Variants in GNAQ observed in about 807,000 individuals in gnomAD.
The protein encoded by GNAQ is G protein subunit alpha q.
A neutral mutation model predicts 43.9 loss-of-function variants in GNAQ; 8 were observed. The observed-to-expected ratio is 0.18, with a 90% CI of 0.11 to 0.33. The LOEUF (loss-of-function observed/expected upper bound fraction) is 0.33. GNAQ is among the 10% of genes least tolerant of loss of function. GNAQ has a pLI of 1.00. For missense variants in GNAQ, 158 were observed against 450.8 expected, an observed-to-expected ratio of 0.35 and a Z score of 5.88; for synonymous variants, 155 against 170.7, an observed-to-expected ratio of 0.91 and a Z score of 0.71.
chr9:77,926,641 C>G (rs1351797978), intron 1 of GNAQ, among the ~76,000 whole-genome samples: 1 of 152,118 alleles, frequency 6.6e-6, no homozygotes, highest in Non-Finnish European at 1.5e-5. Flanking sequence ...TATCTCCAAT[C>G]AAGTCATTTA....
At position 77,876,456 on chromosome 9, in the gene GNAQ, A is replaced by G. The variant is rs139417533; in HGVS notation, c.321+45705T>C. Reference sequence around the variant, plus strand: ...ACAGTAGTTGTAGAGAGCAAATGAAATAGAGTAATGTACATAGAGCACTTG... The same window carrying G: ...ACAGTAGTTGTAGAGAGCAAATGAAGTAGAGTAATGTACATAGAGCACTTG... On this transcript the variant is annotated intron_variant, in intron 2 of 6. Transcript: ENST00000286548. Among the ~76,000 whole-genome samples, 292 of 152,374 alleles carry G rather than the reference A, an allele frequency of 1.9e-3. 2 individuals carry two copies. The highest frequency in any genetic ancestry group is 6.2e-3 in the African/African-American group (256 of 41,586).
chr9:77,913,965 A>C (rs1587405843), intron 2 of GNAQ, among the ~76,000 whole-genome samples: 1 of 152,336 alleles, frequency 6.6e-6, no homozygotes, highest in East Asian at 1.9e-4. Context: ...CCTTTGTTTC[A>C]GAACCCTCCT....
At chr9:77,863,035 G>A (rs764931264) in intron 2 of GNAQ, among the ~76,000 whole-genome samples, 8 of 152,090 alleles carry the variant, frequency 5.3e-5, no homozygotes, top group Non-Finnish European at 8.8e-5. Context: ...TTAGCCGGGT[G>A]TGGTGGCACA....
chr9:78,026,600 C>A (rs1823983377), intron 1 of GNAQ, among the ~76,000 whole-genome samples: 1 of 152,140 alleles, frequency 6.6e-6, no homozygotes, highest in South Asian at 2.1e-4. Context: ...AAGGCTTTCA[C>A]TCAATGGTTC....
chr9:77,875,818 T>A (rs946670791), intron 2 of GNAQ, among the ~76,000 whole-genome samples: 1 of 152,126 alleles, frequency 6.6e-6, no homozygotes, highest in Non-Finnish European at 1.5e-5. Context: ...GCCCACACCA[T>A]GATCAGACTA....
intron 1 of GNAQ, among the ~76,000 whole-genome samples, chr9:77,995,206 T>C (rs958002525): frequency 6.6e-6 from 1 of 152,178 alleles, no homozygotes; most frequent in Non-Finnish European, 1.5e-5. Flanking sequence ...ATGAAGAAAT[T>C]GGGGCAAAGA....
At chr9:77,948,303 T>G (rs183147818) in intron 1 of GNAQ, among the ~76,000 whole-genome samples, 3 of 152,332 alleles carry the variant, frequency 2.0e-5, no homozygotes, top group Admixed American at 6.5e-5. Context: ...TGATGAAGAA[T>G]TGCATCCAAA....
intron 1 of GNAQ, among the ~76,000 whole-genome samples, chr9:78,013,209 G>C (rs958185322): frequency 1.2e-4 from 19 of 152,014 alleles, no homozygotes; most frequent in Admixed American, 9.2e-4. Flanking sequence ...TTGAAATTAA[G>C]GTAATTTCAA....
intron 2 of GNAQ, among the ~76,000 whole-genome samples, chr9:77,870,443 G>A (rs1255318017): frequency 6.7e-6 from 1 of 149,114 alleles, no homozygotes; most frequent in Non-Finnish European, 1.5e-5. Flanking sequence ...TCATTCTCCT[G>A]CCTCAGCCTG....
At chr9:77,869,175 T>C (rs1241272929) in intron 2 of GNAQ, among the ~76,000 whole-genome samples, 2 of 152,196 alleles carry the variant, frequency 1.3e-5, no homozygotes, top group East Asian at 3.8e-4. Flanking sequence ...ATTCATTTTA[T>C]CATCATTTCA....
chr9:77,991,701 C>A (rs111946013), intron 1 of GNAQ, among the ~76,000 whole-genome samples: 2 of 152,128 alleles, frequency 1.3e-5, no homozygotes, highest in African/African-American at 2.4e-5. Flanking sequence ...AATATGCAGT[C>A]TTTTATCCCT....
At chr9:77,873,623 G>A (rs1412117396) in intron 2 of GNAQ, among the ~76,000 whole-genome samples, 1 of 152,214 alleles carries the variant, frequency 6.6e-6, no homozygotes, top group Non-Finnish European at 1.5e-5. Flanking sequence ...TGCGTAGCCA[G>A]GGAAGAAGAA....
chr9:77,910,704 T>C (rs7020256), intron 2 of GNAQ, among the ~76,000 whole-genome samples: 89,401 of 151,928 alleles, frequency 0.59, 27,877 homozygotes, highest in South Asian at 0.71. Context: ...CAAACATTTG[T>C]TGAATGACTA....
chr9:77,923,693 T>C (rs1486074827), intron 1 of GNAQ, among the ~76,000 whole-genome samples: 1 of 151,762 alleles, frequency 6.6e-6, no homozygotes, highest in Non-Finnish European at 1.5e-5. Context: ...AAAGACGGAA[T>C]AATAGAATGA....
intron 2 of GNAQ, among the ~76,000 whole-genome samples, chr9:77,897,203 G>A (rs1828517934): frequency 6.6e-6 from 1 of 152,144 alleles, no homozygotes; most frequent in Admixed American, 6.5e-5. Flanking sequence ...ATGATGCCGG[G>A]GAAAATCAGT....
At chr9:77,978,512 A>G (rs4745684) in intron 1 of GNAQ, among the ~76,000 whole-genome samples, 42,266 of 151,964 alleles carry the variant, frequency 0.28, 6,039 homozygotes, top group South Asian at 0.44. Flanking sequence ...TAAAACCTTG[A>G]TGATTGTTTT....
In GNAQ at chr9:77,991,901, T is replaced by C. The variant is rs1024283764; in HGVS notation, c.136+39199A>G. The stretch of plus-strand genomic sequence containing the variant: ...AGTTGCTGCAAAGGCCATTACTTTG[T>C]TCCATTTTATGGCAGAGTAGTATTC... On this transcript the variant is annotated intron_variant, in intron 1 of 6. Transcript: ENST00000286548. Among the ~76,000 whole-genome samples the C allele has an allele frequency of 3.9e-5, 6 of 152,256 alleles. No individual in the cohort carries two copies. In the South Asian group the frequency reaches 1.0e-3, roughly 26 times the overall value.
chr9:77,729,627 C>T lies in GNAQ; in HGVS notation c.736-960G>A, dbSNP rs769883524. On this transcript the variant is annotated intron_variant, in intron 5 of 6. Coordinates refer to ENST00000286548, the MANE Select transcript of GNAQ (RefSeq NM_002072.5). The stretch of plus-strand genomic sequence containing the variant: ...CCTACACTTGGGTTACAGATGAAGG[C>T]AGCAGATTTGGGAATTCTCCTTCCC... Among the ~76,000 whole-genome samples the T allele has an allele frequency of 7.2e-5, 11 of 152,312 alleles. No individual in the cohort carries two copies. The East Asian group carries it at 2.1e-3, about 29-fold the overall frequency.
At position 77,751,630 on chromosome 9, in the gene GNAQ, G is replaced by A. The variant is rs557266245; in HGVS notation, c.736-22963C>T. On this transcript the variant is annotated intron_variant, in intron 5 of 6. Transcript: ENST00000286548. ...GGAAAGAGCTACAACCTCACTTAAA[G>A]CAATGCTGCCCCCATGTGGATACCA... Among the ~76,000 whole-genome samples the A allele has an allele frequency of 1.2e-3, 178 of 152,214 alleles. 1 individual carries two copies. Among genetic ancestry groups the A allele is most frequent in the African/African-American group, 4.0e-3 (165 of 41,518 alleles).
Sources: allele counts gnomAD v4.1 joint callset (sites outside exome capture counted in the v4.1 genomes callset), GRCh38; gene constraint gnomAD v4.1.1; transcripts MANE v1.5; gene names NCBI Gene and HGNC (gene_info 2026-07-23, HGNC 2026-07-21).